The following PITPNM2 variants were observed in gnomAD, a reference collection of about 807,000 sequenced individuals.
PITPNM2 encodes membrane-associated phosphatidylinositol transfer protein 2.
A neutral mutation model predicts 132.2 loss-of-function variants in PITPNM2; 35 were observed. The ratio of observed to expected loss-of-function variants is 0.26; its 90% confidence interval spans 0.20 to 0.35. PITPNM2 has a LOEUF of 0.35. PITPNM2 is among the 10% of genes least tolerant of loss of function. PITPNM2 has a pLI of 1.00. For missense variants in PITPNM2, 1,332 were observed against 1,912.0 expected, an observed-to-expected ratio of 0.70 and a Z score of 5.66; for synonymous variants, 738 against 799.2, an observed-to-expected ratio of 0.92 and a Z score of 1.29.
rs868431803 is a variant in PITPNM2 at position 123,023,880 on chromosome 12, A to G, written c.79-9838T>C. On this transcript the variant is annotated intron_variant, in intron 3 of 25. Coordinates refer to ENST00000320201, the MANE Select transcript of PITPNM2 (RefSeq NM_020845.3). This position sits in a 1 kb window ranked among gnomAD's most constrained non-coding sequence, Gnocchi z 4.8. ...ATGGGAGAGAATTTTTATATACAAT[A>G]TATCTTATAGTAACTTATATCCAAA... Among the ~76,000 whole-genome samples the G allele has an allele frequency of 3.9e-5, 6 of 152,202 alleles. No individual in the cohort carries two copies. Among genetic ancestry groups the G allele is most frequent in the Non-Finnish European group, 5.9e-5 (4 of 68,046 alleles).
intron 3 of PITPNM2, chr12:123,021,853 A>G (rs2039682183): frequency 3.3e-5 from 10 of 301,346 alleles, no homozygotes; most frequent in Non-Finnish European, 4.9e-5. Flanking sequence ...CCCCATCTGT[A>G]AGAGGAGGAG....
intron 2 of PITPNM2, among the ~76,000 whole-genome samples, chr12:123,086,153 C>A (rs2042106306): frequency 6.6e-6 from 1 of 152,228 alleles, no homozygotes; most frequent in Non-Finnish European, 1.5e-5. Context: ...TGGAGCCAGG[C>A]AAGGTAGCCG....
intron 5 of PITPNM2, among the ~76,000 whole-genome samples, chr12:123,012,072 G>A (rs1207860714): frequency 6.6e-6 from 1 of 152,204 alleles, no homozygotes; most frequent in East Asian, 1.9e-4. Flanking sequence ...GCCCACATAT[G>A]TGTTTTGTTT....
intron 1 of PITPNM2, among the ~76,000 whole-genome samples, chr12:123,125,257 G>A (rs1448949521): frequency 6.6e-6 from 1 of 152,142 alleles, no homozygotes; most frequent in Non-Finnish European, 1.5e-5. Context: ...AAGAATGAAT[G>A]AGTAAATGAT....
intron 2 of PITPNM2, among the ~76,000 whole-genome samples, chr12:123,053,498 G>A (rs183251804): frequency 6.6e-6 from 1 of 151,466 alleles, no homozygotes; most frequent in East Asian, 1.9e-4. Flanking sequence ...TTCACATGTG[G>A]CTGTAAGCAA....
chr12:123,039,339 C>A (rs992799061), intron 2 of PITPNM2, among the ~76,000 whole-genome samples: 6 of 151,950 alleles, frequency 3.9e-5, no homozygotes, highest in Non-Finnish European at 7.4e-5. Context: ...AAAGATAAGT[C>A]AAAATGAGGT....
chr12:123,042,674 G>C (rs1048249845), intron 2 of PITPNM2, among the ~76,000 whole-genome samples: 3 of 152,162 alleles, frequency 2.0e-5, no homozygotes, highest in African/African-American at 7.2e-5. Context: ...CCTCCCTTGA[G>C]TCCCTCTCCT....
At chr12:123,013,002 C>T (rs1261083205) in intron 4 of PITPNM2, among the ~76,000 whole-genome samples, 1 of 152,232 alleles carries the variant, frequency 6.6e-6, no homozygotes, top group Non-Finnish European at 1.5e-5. Context: ...CCAATGTCCA[C>T]AGCATGGCAG....
intron 1 of PITPNM2, among the ~76,000 whole-genome samples, chr12:123,144,444 T>C (rs957480020): frequency 7.2e-5 from 11 of 152,190 alleles, no homozygotes; most frequent in Non-Finnish European, 1.6e-4. Flanking sequence ...TTTTTTGTTG[T>C]TGTTTTGAGA....
intron 3 of PITPNM2, 51 bp downstream of exon 3, chr12:123,034,462 G>A (rs774377871): frequency 5.2e-6 from 8 of 1,544,294 alleles, no homozygotes; most frequent in Admixed American, 1.7e-5. Context: ...GTGTCTGTGC[G>A]CTGGCGCGAC....
chr12:123,127,315 A>C (rs1469144921), intron 1 of PITPNM2, among the ~76,000 whole-genome samples: 1 of 152,098 alleles, frequency 6.6e-6, no homozygotes, highest in African/African-American at 2.4e-5. Flanking sequence ...CAGCTGCCTG[A>C]ACTGTCCGGG....
rs529712280 is a variant in PITPNM2, at chr12:123,032,805, G to T, written c.78+1708C>A. Among the ~76,000 whole-genome samples, 123 of 152,328 alleles carry T rather than the reference G, an allele frequency of 8.1e-4. 1 individual carries two copies. Among genetic ancestry groups the T allele is most frequent in the African/African-American group, 2.7e-3 (114 of 41,562 alleles). ...CTGCTTCCTCTCTCTCCACTCTCTA[G>T]AAATAATTATCGGGTAAGTGGTTCA... On this transcript the variant is annotated intron_variant, in intron 3 of 25. Transcript: ENST00000320201.
chr12:123,047,506 T>C (rs563638961), intron 2 of PITPNM2, among the ~76,000 whole-genome samples: 14 of 152,298 alleles, frequency 9.2e-5, no homozygotes, highest in Non-Finnish European at 1.9e-4. Flanking sequence ...AACAGAAACA[T>C]TTGCCTAGAA....
intron 16 of PITPNM2, among the ~76,000 whole-genome samples, chr12:122,991,583 G>T (rs1158820215): frequency 6.6e-6 from 1 of 152,206 alleles, no homozygotes; most frequent in Non-Finnish European, 1.5e-5. Context: ...CAATATGCAG[G>T]GAGGAAGCAC....
At position 122,992,236 on chromosome 12, in the gene PITPNM2, C is replaced by T. The variant is rs1305293055; in HGVS notation, c.2404+263G>A. ...GAGTCTGGTCTTGTTCTGCCCTTTC[C>T]CTGCTCCGGGGACCCTGGAACAAGG... On this transcript the variant is annotated intron_variant, in intron 16 of 25. Coordinates refer to ENST00000320201, the MANE Select transcript of PITPNM2 (RefSeq NM_020845.3). This position sits in a 1 kb window ranked among gnomAD's most constrained non-coding sequence, Gnocchi z 6.5. Among the ~76,000 whole-genome samples, 2 of 152,156 alleles carry T rather than the reference C, an allele frequency of 1.3e-5. No individual in the cohort carries two copies. Among genetic ancestry groups the T allele is most frequent in the Admixed American group, 6.5e-5 (1 of 15,284 alleles).
At chr12:123,073,117 G>A (rs1283567439) in intron 2 of PITPNM2, among the ~76,000 whole-genome samples, 4 of 152,172 alleles carry the variant, frequency 2.6e-5, no homozygotes, top group Admixed American at 2.0e-4. Flanking sequence ...GGCTTCTCAT[G>A]GGTCGTTAAG....
At chr12:123,126,863 G>A (rs1028663545) in intron 1 of PITPNM2, among the ~76,000 whole-genome samples, 2 of 152,256 alleles carry the variant, frequency 1.3e-5, no homozygotes, top group African/African-American at 4.8e-5. Context: ...AAAATGTGAT[G>A]AAGCTTGCAT....
At chr12:123,074,458 C>T (rs2041714128) in intron 2 of PITPNM2, among the ~76,000 whole-genome samples, 1 of 152,038 alleles carries the variant, frequency 6.6e-6, no homozygotes, top group Non-Finnish European at 1.5e-5. Flanking sequence ...CACATGCACA[C>T]ACACCTCACA....
chr12:123,047,069 G>A (rs983730871), intron 2 of PITPNM2, among the ~76,000 whole-genome samples: 3 of 152,142 alleles, frequency 2.0e-5, no homozygotes, highest in Admixed American at 2.0e-4. Flanking sequence ...CTCCCAAGGT[G>A]GAAAAGGTAA....
Sources: gnomAD v4.1 joint callset for allele counts (sites outside exome capture counted in the v4.1 genomes callset) on GRCh38, gnomAD v4.1.1 for gene constraint, Gnocchi (gnomAD v3.1) non-coding constraint, MANE v1.5 for transcripts, NCBI Gene and HGNC (gene_info 2026-07-23, HGNC 2026-07-21) for gene names.